Variants in EPHA5 observed in about 807,000 individuals in gnomAD.
EPHA5 encodes ephrin type-A receptor 5.
Under a neutral mutation model 105.0 loss-of-function variants are expected in EPHA5, and 60 were observed. The observed-to-expected ratio is 0.57, with a 90% CI of 0.46 to 0.71. The LOEUF (loss-of-function observed/expected upper bound fraction) is 0.71, where lower values mean the gene tolerates loss of function less well. Among genes scored for constraint, EPHA5 ranks in the 30% least tolerant of loss-of-function variants. The probability of loss-of-function intolerance (pLI) is 0.00; values close to 1 mark genes in which losing one functional copy is unlikely to be tolerated. For synonymous variants in EPHA5, 513 were observed against 449.1 expected, an observed-to-expected ratio of 1.14 and a Z score of -1.80; for missense variants, 1,218 against 1,274.7, an observed-to-expected ratio of 0.96 and a Z score of 0.68.
intron 3 of EPHA5, chr4:65,573,410 CAAAAAAA>C (rs71657188): frequency 9.3e-5 from 61 of 655,830 alleles, no homozygotes; most frequent in African/African-American, 2.2e-4. Context: ...GACTCCGTCT[CAAAAAAA>C]AAAAAAAAAA....
At chr4:65,558,170 C>A (rs1046611329) in intron 3 of EPHA5, among the ~76,000 whole-genome samples, 1 of 152,108 alleles carries the variant, frequency 6.6e-6, no homozygotes, top group African/African-American at 2.4e-5. Context: ...AGGCACCACA[C>A]CTGGCCCAAA....
chr4:65,610,169 TC>T (rs1738656723), intron 2 of EPHA5, among the ~76,000 whole-genome samples: 1 of 152,070 alleles, frequency 6.6e-6, no homozygotes, highest in African/African-American at 2.4e-5. Flanking sequence ...AGTCTAATAG[TC>T]TATATATGGA....
rs1376342600 is a variant in EPHA5 at position 65,490,674 on chromosome 4, T to G, written c.1105A>C (p.Asn369His). ...SAPRNAISNV[N>H]ETSVFLEWIP... ...CATTCCAGAAAGACACTAGTTTCAT[T>G]AACATTTGAGATGGCATTCCGAGGA... Residue 369 changes from asparagine to histidine, a missense_variant, in exon 5 of 17, where the codon AAT becomes CAT. Asn to His is a moderately conservative substitution (Grantham distance 68). Transcript: ENST00000613740. 10 of 1,614,086 alleles carry G rather than the reference T, an allele frequency of 6.2e-6. No individual in the cohort carries two copies. The highest frequency in any genetic ancestry group is 8.5e-6 in the Non-Finnish European group (10 of 1,179,972).
chr4:65,653,730 A>AAAAATAAAAGAAATAATGT (rs1202635930), intron 1 of EPHA5, among the ~76,000 whole-genome samples: 1 of 152,144 alleles, frequency 6.6e-6, no homozygotes, highest in African/African-American at 2.4e-5. Flanking sequence ...AAAGAAAATA[A>AAAAATAAAAGAAATAATGT]AAAATAAAAG....
At chr4:65,426,587 C>A (rs1724460023) in intron 5 of EPHA5, among the ~76,000 whole-genome samples, 1 of 152,020 alleles carries the variant, frequency 6.6e-6, no homozygotes, top group Non-Finnish European at 1.5e-5. Flanking sequence ...CTTGAAAATT[C>A]CTGGAGCATA....
At chr4:65,467,098 T>C (rs1049443718) in intron 5 of EPHA5, among the ~76,000 whole-genome samples, 8 of 152,164 alleles carry the variant, frequency 5.3e-5, no homozygotes, top group African/African-American at 1.9e-4. Flanking sequence ...GAAACCTGAC[T>C]CTTTTATTTG....
intron 14 of EPHA5, among the ~76,000 whole-genome samples, chr4:65,344,050 T>C (rs1721987041): frequency 6.6e-6 from 1 of 152,110 alleles, no homozygotes; most frequent in South Asian, 2.1e-4. Context: ...GATGATACTA[T>C]AATGTTAAAG....
intron 5 of EPHA5, among the ~76,000 whole-genome samples, chr4:65,471,902 C>T (rs1454879818): frequency 6.6e-6 from 1 of 152,124 alleles, no homozygotes; most frequent in Admixed American, 6.6e-5. Flanking sequence ...ATCTAATGTC[C>T]TCACTTTTCA....
intron 3 of EPHA5, among the ~76,000 whole-genome samples, chr4:65,583,071 C>A (rs897775674): frequency 1.3e-5 from 2 of 151,514 alleles, no homozygotes; most frequent in Non-Finnish European, 3.0e-5. Flanking sequence ...TGCAAGTGTA[C>A]ACAGTTGTTC....
intron 8 of EPHA5, among the ~76,000 whole-genome samples, chr4:65,398,697 T>G (rs754283074): frequency 8.5e-5 from 13 of 152,064 alleles, no homozygotes; most frequent in Non-Finnish European, 1.8e-4. Flanking sequence ...TGCCTGCAAA[T>G]AGGAGCTACC....
At chr4:65,509,410 G>T (rs1457691534) in intron 3 of EPHA5, among the ~76,000 whole-genome samples, 1 of 151,928 alleles carries the variant, frequency 6.6e-6, no homozygotes, top group Non-Finnish European at 1.5e-5. Flanking sequence ...TAGCTATCTG[G>T]GGATATCAAT....
chr4:65,657,232 G>GC (rs544807964), intron 1 of EPHA5, among the ~76,000 whole-genome samples: 130 of 152,018 alleles, frequency 8.6e-4, no homozygotes, highest in African/African-American at 2.9e-3. Context: ...AAATCCTTCT[G>GC]CCCCCCAAGA....
intron 8 of EPHA5, among the ~76,000 whole-genome samples, chr4:65,386,297 TTTAA>T (rs1720078718): frequency 6.6e-6 from 1 of 151,878 alleles, no homozygotes; most frequent in Middle Eastern, 3.2e-3. Flanking sequence ...TAAAAATAAA[TTTAA>T]TTATAAATGC....
At chr4:65,338,755 C>A (rs1188620113) in intron 14 of EPHA5, among the ~76,000 whole-genome samples, 1 of 151,910 alleles carries the variant, frequency 6.6e-6, no homozygotes, top group Non-Finnish European at 1.5e-5. Flanking sequence ...TTAGAAGTTT[C>A]CTTTTTTTTC....
intron 6 of EPHA5, among the ~76,000 whole-genome samples, chr4:65,419,153 G>A (rs778805807): frequency 6.6e-6 from 1 of 151,676 alleles, no homozygotes; most frequent in Non-Finnish European, 1.5e-5. Flanking sequence ...CAAAGTTCTG[G>A]AATTACAGGC....
In EPHA5 at chr4:65,438,031, T is replaced by C. The variant is rs1403806598; in HGVS notation, c.1403-17466A>G. On this transcript the variant is annotated intron_variant, in intron 5 of 16. Coordinates refer to ENST00000613740, the MANE Select transcript of EPHA5 (RefSeq NM_001281766.3). ...TCAGAAAACAGTATTTATCTGCTTA[T>C]ACAGCATCATAGTAGGATCATTCTT... Among the ~76,000 whole-genome samples the C allele has an allele frequency of 2.6e-5, 4 of 152,096 alleles. No homozygotes were observed. In the East Asian group the frequency reaches 5.8e-4, roughly 22 times the overall value.
chr4:65,442,003 A>T (rs1726061462), intron 5 of EPHA5, among the ~76,000 whole-genome samples: 1 of 152,112 alleles, frequency 6.6e-6, no homozygotes, highest in South Asian at 2.1e-4. Flanking sequence ...TAACCAAAAG[A>T]CTTAGATGCT....
intron 5 of EPHA5, among the ~76,000 whole-genome samples, chr4:65,439,247 T>C (rs1725780726): frequency 6.6e-6 from 1 of 152,186 alleles, no homozygotes; most frequent in Admixed American, 6.6e-5. Flanking sequence ...TACATTCGTA[T>C]ATATAAAAAC....
At chr4:65,595,897 C>G (rs1322664262) in intron 3 of EPHA5, among the ~76,000 whole-genome samples, 11 of 152,058 alleles carry the variant, frequency 7.2e-5, no homozygotes, top group African/African-American at 2.2e-4. Flanking sequence ...TTTTTATGAG[C>G]TAGTTAGAGA....
Sources: gnomAD v4.1 joint callset for allele counts (sites outside exome capture counted in the v4.1 genomes callset) on GRCh38, gnomAD v4.1.1 for gene constraint, MANE v1.5 for transcripts, NCBI Gene and HGNC (gene_info 2026-07-23, HGNC 2026-07-21) for gene names.